The following TRAP1 variants were observed in gnomAD, a reference collection of about 807,000 sequenced individuals.
TRAP1 encodes the protein heat shock protein 75 kDa, mitochondrial.
In TRAP1, 102 loss-of-function variants were observed where a neutral mutation model predicts 89.1. The observed-to-expected ratio is 1.15, with a 90% CI of 0.98 to 1.35. TRAP1 has a LOEUF of 1.35. Among genes scored for constraint, TRAP1 ranks in the 40% most tolerant of loss-of-function variants. The probability of loss-of-function intolerance (pLI) is 0.00; values close to 1 mark genes in which losing one functional copy is unlikely to be tolerated. For synonymous variants in TRAP1, 508 were observed against 388.0 expected, an observed-to-expected ratio of 1.31 and a Z score of -3.64; for missense variants, 1,256 against 945.3, an observed-to-expected ratio of 1.33 and a Z score of -4.31.
chr16:3,697,436 G>C (rs558120404), intron 1 of TRAP1, among the ~76,000 whole-genome samples: 1 of 151,888 alleles, frequency 6.6e-6, no homozygotes, highest in African/African-American at 2.4e-5. Context: ...AGGCCGAGGC[G>C]GGAGGATCAC....
chr16:3,672,897 C>A (rs2050934282), intron 9 of TRAP1, 77 bp from the exon 10 acceptor site: 1 of 1,524,808 alleles, frequency 6.6e-7, no homozygotes, highest in African/African-American at 1.4e-5. Flanking sequence ...TGGGGGCGGA[C>A]ACGATGAATC....
At chr16:3,675,476 G>C in intron 7 of TRAP1, 79 bp from the exon 8 acceptor site, 2 of 1,406,498 alleles carry the variant, frequency 1.4e-6, no homozygotes, top group Non-Finnish European at 2.0e-6. Context: ...TCCAGGATGA[G>C]CGCCAGCCTG....
chr16:3,666,694 C>G (rs1475802200), intron 11 of TRAP1, among the ~76,000 whole-genome samples: 1 of 152,066 alleles, frequency 6.6e-6, no homozygotes, highest in East Asian at 1.9e-4. Flanking sequence ...AATGCACATT[C>G]TACATGTACA....
At chr16:3,703,045 A>G (rs938854632) in intron 1 of TRAP1, among the ~76,000 whole-genome samples, 166 of 121,074 alleles carry the variant, frequency 1.4e-3, no homozygotes, top group Non-Finnish European at 2.2e-3. Context: ...TCCGTCTTGA[A>G]AAAAAAAAAA....
chr16:3,665,934 G>A (rs755235302), intron 12 of TRAP1, 37 bp downstream of exon 12: 3 of 1,596,054 alleles, frequency 1.9e-6, no homozygotes, highest in South Asian at 2.3e-5. Flanking sequence ...CAGGGACAAG[G>A]TGGCCCAGAA....
intron 1 of TRAP1, among the ~76,000 whole-genome samples, chr16:3,696,116 C>CT (rs1053637429): frequency 1.6e-4 from 24 of 152,318 alleles, no homozygotes; most frequent in African/African-American, 5.3e-4. Context: ...TTTCAGCACT[C>CT]TAAAGTCCCA....
In TRAP1 at chr16:3,714,053, T is replaced by TG. The variant is rs1236857747; in HGVS notation, c.88+3367dup. Among the ~76,000 whole-genome samples the TG allele has an allele frequency of 2.0e-5, 3 of 152,334 alleles. 1 individual carries two copies. Among genetic ancestry groups the TG allele is most frequent in the African/African-American group, 7.2e-5 (3 of 41,586 alleles). On this transcript the variant is annotated intron_variant, in intron 1 of 17. Transcript: ENST00000246957. ...AGAGCTATCTCCTTACCCTTGCACC[T>TG]GCAGCTTTCCAGACATGGAACGTTC...
At chr16:3,677,145 G>C (rs758111120) in intron 6 of TRAP1, among the ~76,000 whole-genome samples, 3 of 152,098 alleles carry the variant, frequency 2.0e-5, no homozygotes, top group Non-Finnish European at 2.9e-5. Flanking sequence ...GAAATGCCAG[G>C]GCTGGGAGGA....
intron 5 of TRAP1, 40 bp from the exon 6 acceptor site, chr16:3,677,698 CAG>C (rs2051018348): frequency 6.3e-7 from 1 of 1,597,368 alleles, no homozygotes; most frequent in South Asian, 1.1e-5. Context: ...GCCTCCCCTC[CAG>C]AGAGCAGACA....
chr16:3,674,554 C>T (rs759941517), intron 8 of TRAP1, 60 bp from the exon 9 acceptor site: 22 of 1,582,352 alleles, frequency 1.4e-5, no homozygotes, highest in African/African-American at 9.4e-5. Context: ...TCTCCACCAC[C>T]GTGCAGGCCT....
At chr16:3,702,174 G>T (rs1393771211) in intron 1 of TRAP1, among the ~76,000 whole-genome samples, 9 of 149,716 alleles carry the variant, frequency 6.0e-5, no homozygotes, top group African/African-American at 2.0e-4. Flanking sequence ...TTTCCCTGCT[G>T]TCGATGTTGA....
intron 16 of TRAP1, chr16:3,659,365 A>C (rs959745205): frequency 6.6e-6 from 1 of 152,436 alleles, no homozygotes; most frequent in Non-Finnish European, 1.5e-5. Context: ...ACTGGGAGCC[A>C]TGCAGAAAAC....
chr16:3,676,773 G>A (rs1567231678), intron 6 of TRAP1: 2 of 152,568 alleles, frequency 1.3e-5, no homozygotes, highest in African/African-American at 4.8e-5. Flanking sequence ...AAAGCCCTCG[G>A]AGCCAGGCGT....
At chr16:3,667,852 G>A (rs1225349988) in intron 11 of TRAP1, among the ~76,000 whole-genome samples, 39 of 145,470 alleles carry the variant, frequency 2.7e-4, no homozygotes, top group Non-Finnish European at 4.3e-4. Flanking sequence ...TCTGCCTCCC[G>A]GGTTCAAGCA....
intron 1 of TRAP1, among the ~76,000 whole-genome samples, chr16:3,703,596 G>T (rs1158232781): frequency 1.3e-5 from 2 of 152,028 alleles, no homozygotes; most frequent in African/African-American, 4.8e-5. Flanking sequence ...TTGCCACCAG[G>T]AGGGGTGTTG....
intron 11 of TRAP1, among the ~76,000 whole-genome samples, chr16:3,671,060 T>G (rs763222570): frequency 6.6e-6 from 1 of 152,148 alleles, no homozygotes; most frequent in East Asian, 1.9e-4. Context: ...TGCAGGCACG[T>G]TGGGGGCTCC....
intron 1 of TRAP1, among the ~76,000 whole-genome samples, chr16:3,691,883 A>T (rs892314624): frequency 2.6e-5 from 4 of 152,204 alleles, no homozygotes; most frequent in Non-Finnish European, 5.9e-5. Flanking sequence ...TGCTCAGTCC[A>T]GTGGGCTGAG....
intron 1 of TRAP1, among the ~76,000 whole-genome samples, chr16:3,714,488 A>G (rs1049541490): frequency 6.6e-6 from 1 of 152,046 alleles, no homozygotes; most frequent in Non-Finnish European, 1.5e-5. Flanking sequence ...GTGAAACCCC[A>G]TCTCTATTAA....
At chr16:3,675,198 T>C in intron 8 of TRAP1, 126 bp downstream of exon 8, 1 of 856,030 alleles carries the variant, frequency 1.2e-6, no homozygotes, top group East Asian at 2.7e-5. Flanking sequence ...CCAGGTCTCA[T>C]CTCCACAGAG....
Sources: allele counts gnomAD v4.1 joint callset (sites outside exome capture counted in the v4.1 genomes callset), GRCh38; gene constraint gnomAD v4.1.1; transcripts MANE v1.5; gene names NCBI Gene and HGNC (gene_info 2026-07-23, HGNC 2026-07-21).